The following PLCB1 variants were observed in gnomAD, a reference collection of about 807,000 sequenced individuals.
PLCB1 encodes the protein 1-phosphatidylinositol 4,5-bisphosphate phosphodiesterase beta-1.
Under a neutral mutation model 161.8 loss-of-function variants are expected in PLCB1, and 46 were observed. The observed-to-expected ratio is 0.28, with a 90% CI of 0.22 to 0.36. The LOEUF is 0.36. Ranked by LOEUF, PLCB1 falls within the 10% of genes least tolerant of loss-of-function variation. The pLI is 1.00. For missense variants in PLCB1, 1,016 were observed against 1,472.5 expected (o/e 0.69, Z 5.07); for synonymous variants, 517 against 503.7 (o/e 1.03, Z -0.35).
At chr20:8,440,982 T>C (rs2122611688) in intron 3 of PLCB1, among the ~76,000 whole-genome samples, 1 of 152,188 alleles carries the variant, frequency 6.6e-6, no homozygotes, top group Middle Eastern at 3.4e-3. Flanking sequence ...TAACCCAGCC[T>C]CACCATTTTA....
chr20:8,345,851 A>G (rs1178592102), intron 2 of PLCB1, among the ~76,000 whole-genome samples: 1 of 152,192 alleles, frequency 6.6e-6, no homozygotes, highest in Non-Finnish European at 1.5e-5. Context: ...CATTCTTTTA[A>G]TGATATCACT....
chr20:8,543,620 CA>C (rs60587265), intron 3 of PLCB1, among the ~76,000 whole-genome samples: 115 of 129,502 alleles, frequency 8.9e-4, no homozygotes, highest in Middle Eastern at 4.1e-3. Flanking sequence ...CAAAGAGTTC[CA>C]AAAAAAAAAA....
intron 7 of PLCB1, among the ~76,000 whole-genome samples, chr20:8,655,541 G>C (rs553885447): frequency 5.9e-5 from 9 of 152,180 alleles, no homozygotes; most frequent in South Asian, 2.1e-4. Flanking sequence ...GGAAGGCAAG[G>C]CTTTCCAGAA....
At chr20:8,482,210 T>A (rs1373594937) in intron 3 of PLCB1, among the ~76,000 whole-genome samples, 1 of 149,928 alleles carries the variant, frequency 6.7e-6, no homozygotes, top group East Asian at 2.0e-4. Context: ...TTCAAGCCAT[T>A]CTCCTACCTC....
intron 2 of PLCB1, among the ~76,000 whole-genome samples, chr20:8,321,406 A>AT (rs1214692917): frequency 6.6e-6 from 1 of 151,970 alleles, no homozygotes; most frequent in East Asian, 1.9e-4. Flanking sequence ...CAGTTTCCTC[A>AT]TATAAACTTC....
chr20:8,588,208 C>G (rs1432986699), intron 3 of PLCB1, among the ~76,000 whole-genome samples: 2 of 152,170 alleles, frequency 1.3e-5, no homozygotes, highest in Non-Finnish European at 2.9e-5. Flanking sequence ...AGTACCTGGT[C>G]TGAAGAGGCC....
chr20:8,395,201 G>C (rs547073412), intron 3 of PLCB1, among the ~76,000 whole-genome samples: 1 of 151,970 alleles, frequency 6.6e-6, no homozygotes, highest in Non-Finnish European at 1.5e-5. Flanking sequence ...AACACCTATT[G>C]ACTTTATTAT....
At position 8,137,342 on chromosome 20, in the gene PLCB1, A is replaced by G. The variant is rs542639229; in HGVS notation, c.99+4592A>G. 2.0e-3 allele frequency among the ~76,000 whole-genome samples: 304 copies of G among 152,340 alleles called. 5 individuals carry two copies. Among genetic ancestry groups the G allele is most frequent in the African/African-American group, 7.0e-3 (292 of 41,568 alleles). Reference sequence around the variant, plus strand: ...GAATTTAGTAGCGTTCACTTTGGAAAGGTTATGGGAAACAGGGAGGAAACT... The same window carrying G: ...GAATTTAGTAGCGTTCACTTTGGAAGGGTTATGGGAAACAGGGAGGAAACT... On this transcript the variant is annotated intron_variant, in intron 1 of 31. Coordinates refer to ENST00000338037, the MANE Select transcript of PLCB1 (RefSeq NM_015192.4).
At chr20:8,824,706 A>C (rs1246469368) in intron 31 of PLCB1, among the ~76,000 whole-genome samples, 1 of 152,204 alleles carries the variant, frequency 6.6e-6, no homozygotes, top group Non-Finnish European at 1.5e-5. Context: ...TATAATTATA[A>C]GTGTTATTTA....
At chr20:8,368,357 G>GTT (rs1568649126) in intron 2 of PLCB1, among the ~76,000 whole-genome samples, 1 of 151,632 alleles carries the variant, frequency 6.6e-6, no homozygotes, top group Non-Finnish European at 1.5e-5. Flanking sequence ...GCAAAATGCC[G>GTT]TATGTACTAA....
At chr20:8,814,701 A>G (rs1417527148) in intron 31 of PLCB1, among the ~76,000 whole-genome samples, 1 of 152,146 alleles carries the variant, frequency 6.6e-6, no homozygotes, top group Non-Finnish European at 1.5e-5. Context: ...TGTCCATGAA[A>G]TTATATTATG....
chr20:8,239,638 A>G (rs965598009), intron 2 of PLCB1, among the ~76,000 whole-genome samples: 5 of 151,944 alleles, frequency 3.3e-5, no homozygotes, highest in Non-Finnish European at 5.9e-5. Context: ...TGTGAGATAA[A>G]TCTTGAGAAA....
chr20:8,822,612 A>G (rs1052629300), intron 31 of PLCB1, among the ~76,000 whole-genome samples: 9 of 152,228 alleles, frequency 5.9e-5, no homozygotes, highest in African/African-American at 2.2e-4. Context: ...CATTGCACCA[A>G]TGCCAGAGTT....
At chr20:8,738,681 G>A (rs1398894470) in intron 20 of PLCB1, among the ~76,000 whole-genome samples, 1 of 152,150 alleles carries the variant, frequency 6.6e-6, no homozygotes, top group East Asian at 1.9e-4. Flanking sequence ...GAATGTTCAT[G>A]TAAAAATAAA....
At chr20:8,361,279 A>G (rs529955859) in intron 2 of PLCB1, among the ~76,000 whole-genome samples, 1 of 152,276 alleles carries the variant, frequency 6.6e-6, no homozygotes, top group South Asian at 2.1e-4. Context: ...TAGTTTTCTC[A>G]TTGCTCTTAG....
chr20:8,267,390 C>G (rs942537224), intron 2 of PLCB1, among the ~76,000 whole-genome samples: 1 of 152,156 alleles, frequency 6.6e-6, no homozygotes, highest in Non-Finnish European at 1.5e-5. Context: ...AACCAGTTTT[C>G]CTCAAGATGG....
chr20:8,703,870 G>C (rs537632323), intron 11 of PLCB1, among the ~76,000 whole-genome samples: 62 of 152,286 alleles, frequency 4.1e-4, no homozygotes, highest in Non-Finnish European at 2.8e-4. Flanking sequence ...AGGAAGATAC[G>C]AGAGAGATTT....
intron 3 of PLCB1, among the ~76,000 whole-genome samples, chr20:8,433,481 A>G (rs1248443881): frequency 8.4e-6 from 1 of 118,544 alleles, no homozygotes; most frequent in Admixed American, 7.8e-5. Context: ...TTGCAAAGTA[A>G]AGCCCCTGCT....
chr20:8,801,692 G>C (rs533085405), intron 31 of PLCB1, among the ~76,000 whole-genome samples: 19 of 152,334 alleles, frequency 1.2e-4, no homozygotes, highest in African/African-American at 4.6e-4. Flanking sequence ...TCCTTGGACT[G>C]TGTTGTTCAC....
Sources: gnomAD v4.1 joint callset for allele counts (sites outside exome capture counted in the v4.1 genomes callset) on GRCh38, gnomAD v4.1.1 for gene constraint, MANE v1.5 for transcripts, NCBI Gene and HGNC (gene_info 2026-07-23, HGNC 2026-07-21) for gene names.